DLGAP2: variants seen among roughly 807,000 people sequenced by gnomAD.
DLGAP2 encodes disks large-associated protein 2.
DLGAP2 carries 26 observed loss-of-function variants against 100.3 expected under a neutral mutation model. The observed-to-expected ratio is 0.26, with a 90% CI of 0.19 to 0.36. DLGAP2 has a LOEUF of 0.36. DLGAP2 is among the 10% of genes least tolerant of loss of function. The pLI, the probability that DLGAP2 is intolerant of heterozygous loss-of-function variation, is 1.00. For missense variants in DLGAP2, 1,858 were observed against 1,453.2 expected, an observed-to-expected ratio of 1.28 and a Z score of -4.53; for synonymous variants, 886 against 630.1, an observed-to-expected ratio of 1.41 and a Z score of -6.08.
At chr8:831,570 A>C (rs1454114904) in intron 1 of DLGAP2, among the ~76,000 whole-genome samples, 1 of 152,174 alleles carries the variant, frequency 6.6e-6, no homozygotes. Flanking sequence ...GCTGCATAAT[A>C]TTCCATGGTG....
chr8:1,174,053 A>T (rs79317830), intron 2 of DLGAP2, among the ~76,000 whole-genome samples: 1 of 152,148 alleles, frequency 6.6e-6, no homozygotes, highest in Non-Finnish European at 1.5e-5. Context: ...TTCATGACAC[A>T]GCTATGCCTG....
At chr8:1,340,993 A>G (rs539520413) in intron 3 of DLGAP2, among the ~76,000 whole-genome samples, 3 of 152,348 alleles carry the variant, frequency 2.0e-5, no homozygotes, top group Non-Finnish European at 4.4e-5. Flanking sequence ...CAGATAACCA[A>G]ATACTGCATG....
chr8:1,345,145 T>C (rs1441580650), intron 3 of DLGAP2, among the ~76,000 whole-genome samples: 1 of 98,902 alleles, frequency 1.0e-5, no homozygotes, highest in African/African-American at 3.2e-5. Context: ...TGGTACAGTG[T>C]TGAGACCAAG....
intron 4 of DLGAP2, among the ~76,000 whole-genome samples, chr8:1,520,338 G>C (rs1800549780): frequency 6.6e-6 from 1 of 152,210 alleles, no homozygotes; most frequent in African/African-American, 2.4e-5. Context: ...TGGGGAGCAG[G>C]AGGAGGTTCA....
At chr8:1,254,107 G>T (rs1799115574) in intron 2 of DLGAP2, among the ~76,000 whole-genome samples, 1 of 152,206 alleles carries the variant, frequency 6.6e-6, no homozygotes, top group Admixed American at 6.5e-5. Flanking sequence ...GGCCAGGGGG[G>T]CCAAGTTGAA....
chr8:1,506,954 C>G (rs1040853962), intron 4 of DLGAP2, among the ~76,000 whole-genome samples: 4 of 152,140 alleles, frequency 2.6e-5, no homozygotes, highest in Admixed American at 2.6e-4. Context: ...TTCTCCAAGT[C>G]CCCACCAGAT....
chr8:1,205,443 A>G (rs1431180527), intron 2 of DLGAP2, among the ~76,000 whole-genome samples: 1 of 151,978 alleles, frequency 6.6e-6, no homozygotes, highest in Non-Finnish European at 1.5e-5. Flanking sequence ...AGGCTCTAGA[A>G]ACACGTGACG....
intron 2 of DLGAP2, among the ~76,000 whole-genome samples, chr8:1,098,181 A>T (rs969678375): frequency 6.6e-6 from 1 of 152,236 alleles, no homozygotes. Flanking sequence ...TTGGAGCTGG[A>T]CTGAGTCCCG....
chr8:1,122,775 T>C (rs1470777), intron 2 of DLGAP2, among the ~76,000 whole-genome samples: 59,832 of 151,394 alleles, frequency 0.4, 11,924 homozygotes, highest in East Asian at 0.45. Context: ...TTTTTTCTTT[T>C]CTGGAAGCTG....
chr8:1,071,483 C>T (rs1803429518), intron 2 of DLGAP2, among the ~76,000 whole-genome samples: 1 of 152,174 alleles, frequency 6.6e-6, no homozygotes, highest in Non-Finnish European at 1.5e-5. Context: ...CAGGAGAACA[C>T]TTGCTCCTGG....
intron 2 of DLGAP2, among the ~76,000 whole-genome samples, chr8:1,064,267 C>T (rs1317050657): frequency 2.6e-5 from 4 of 152,160 alleles, no homozygotes; most frequent in African/African-American, 9.7e-5. Context: ...ATGGTTAAAA[C>T]AAAACTGGAT....
chr8:1,422,890 C>T (rs1396298271), intron 3 of DLGAP2, among the ~76,000 whole-genome samples: 1 of 152,154 alleles, frequency 6.6e-6, no homozygotes, highest in Non-Finnish European at 1.5e-5. Flanking sequence ...GGTGTGAGGC[C>T]TGAGGAAGCT....
At chr8:1,537,745 G>GGAAGGAAGGAAA (rs2130478368) in intron 4 of DLGAP2, among the ~76,000 whole-genome samples, 1 of 138,870 alleles carries the variant, frequency 7.2e-6, no homozygotes, top group South Asian at 2.2e-4. Context: ...AAGGAAGGAA[G>GGAAGGAAGGAAA]GAAGGAAGGA....
chr8:1,512,799 T>A (rs1276362278), intron 4 of DLGAP2, among the ~76,000 whole-genome samples: 1 of 152,246 alleles, frequency 6.6e-6, no homozygotes, highest in Non-Finnish European at 1.5e-5. Flanking sequence ...GGGTGACTAC[T>A]GCCAACATTT....
At position 1,476,776 on chromosome 8, in the gene DLGAP2, A is replaced by T. The variant is rs1049483633; in HGVS notation, c.107-24590A>T. 7.2e-4 allele frequency among the ~76,000 whole-genome samples: 107 copies of T among 148,462 alleles called. 1 individual carries two copies. Among genetic ancestry groups the T allele is most frequent in the African/African-American group, 2.6e-3 (104 of 39,934 alleles). ...CCTTGATGGCCGAGTGCTGTCGGCC[A>T]CCCACCAGCCCCTTCTGCAGACCCA... On this transcript the variant is annotated intron_variant, in intron 3 of 14. Coordinates refer to ENST00000637795, the MANE Select transcript of DLGAP2 (RefSeq NM_001346810.2).
chr8:1,211,891 T>A (rs868363311), intron 2 of DLGAP2, among the ~76,000 whole-genome samples: 58 of 152,134 alleles, frequency 3.8e-4, no homozygotes, highest in African/African-American at 1.3e-3. Flanking sequence ...TAAAATAAAA[T>A]AAAAAAATAA....
intron 2 of DLGAP2, among the ~76,000 whole-genome samples, chr8:969,985 A>G (rs191688240): frequency 7.0e-4 from 106 of 152,338 alleles, no homozygotes; most frequent in African/African-American, 2.5e-3. Flanking sequence ...TGTTCACACC[A>G]TTGACAAATG....
chr8:1,278,286 CT>C (rs779262660), intron 3 of DLGAP2, among the ~76,000 whole-genome samples: 1 of 152,194 alleles, frequency 6.6e-6, no homozygotes, highest in Non-Finnish European at 1.5e-5. Context: ...TCTAAGATCT[CT>C]TCCAGTTGTA....
At chr8:1,302,342 C>T (rs113925981) in intron 3 of DLGAP2, 52 of 49,064 alleles carry the variant, frequency 1.1e-3, no homozygotes, top group African/African-American at 5.1e-3. Context: ...CACCTGGGAC[C>T]GGACTCGGAA....
Sources: gnomAD v4.1 joint callset for allele counts (sites outside exome capture counted in the v4.1 genomes callset) on GRCh38, gnomAD v4.1.1 for gene constraint, MANE v1.5 for transcripts, NCBI Gene and HGNC (gene_info 2026-07-23, HGNC 2026-07-21) for gene names.